Variants in ENTREP2 observed in about 807,000 individuals in gnomAD.
ENTREP2 encodes endosomal transmembrane epsin interactor 2.
At chr15:29,665,670 G>A in the ENTREP2 span, among the ~76,000 whole-genome samples, 126 of 152,208 alleles carry the variant, frequency 8.3e-4, 2 homozygotes, top group African/African-American at 2.8e-3. Flanking sequence ...CATTCCTCAC[G>A]CAGGCAGCAC....
chr15:29,472,653 T>C, the ENTREP2 span, among the ~76,000 whole-genome samples: 1 of 152,092 alleles, frequency 6.6e-6, no homozygotes, highest in Non-Finnish European at 1.5e-5. Context: ...TTAGTAGAGA[T>C]GAGGTTTCAC....
the ENTREP2 span, among the ~76,000 whole-genome samples, chr15:29,248,314 A>C: frequency 2.3e-3 from 356 of 152,322 alleles, 1 homozygote; most frequent in East Asian, 0.022. Flanking sequence ...CTTTTTAAGC[A>C]TGATTCTAAG....
the ENTREP2 span, among the ~76,000 whole-genome samples, chr15:29,493,122 ACC>A: frequency 0.014 from 1,744 of 125,738 alleles, 169 homozygotes; most frequent in African/African-American, 0.053. Flanking sequence ...TTCCCTGACA[ACC>A]CTTTTTTTTT....
chr15:29,541,129 A>G, the ENTREP2 span, among the ~76,000 whole-genome samples: 1 of 152,182 alleles, frequency 6.6e-6, no homozygotes, highest in Non-Finnish European at 1.5e-5. Context: ...ACCAGAAAGC[A>G]TCACTCCCTC....
At chr15:29,170,700 C>T in the ENTREP2 span, among the ~76,000 whole-genome samples, 1 of 152,164 alleles carries the variant, frequency 6.6e-6, no homozygotes, top group Non-Finnish European at 1.5e-5. Context: ...GACACAGTGA[C>T]AAGGCTTGCC....
the ENTREP2 span, among the ~76,000 whole-genome samples, chr15:29,135,745 C>CATG: frequency 1.1e-4 from 16 of 152,234 alleles, no homozygotes; most frequent in Non-Finnish European, 2.9e-5. This position sits in a 1 kb window ranked among gnomAD's most constrained non-coding sequence, Gnocchi z 7.4. Context: ...GAGTGCCTGG[C>CATG]ATGCCCAGCT....
the ENTREP2 span, chr15:29,128,784 CT>C: frequency 6.5e-7 from 1 of 1,550,382 alleles, no homozygotes. Context: ...AAGAGGTAAG[CT>C]TACCTGGAGT....
At chr15:29,247,081 T>C in the ENTREP2 span, among the ~76,000 whole-genome samples, 1 of 151,904 alleles carries the variant, frequency 6.6e-6, no homozygotes, top group Non-Finnish European at 1.5e-5. Context: ...TTAGTTTAGA[T>C]ATCCTTTTTA....
chr15:29,591,765 G>C, the ENTREP2 span, among the ~76,000 whole-genome samples: 1 of 151,478 alleles, frequency 6.6e-6, no homozygotes, highest in Non-Finnish European at 1.5e-5. Flanking sequence ...TTGAAACCCA[G>C]GAATTCAAGC....
the ENTREP2 span, chr15:29,266,329 AAAAC>A: frequency 6.6e-6 from 1 of 152,216 alleles, no homozygotes; most frequent in South Asian, 2.1e-4. Context: ...TTGGTAAACA[AAAAC>A]AAAACAAAAC....
At chr15:29,381,764 G>T in the ENTREP2 span, 3 of 1,550,894 alleles carry the variant, frequency 1.9e-6, no homozygotes, top group Non-Finnish European at 2.6e-6. Flanking sequence ...GGAGACGCAG[G>T]TGCCACTTAC....
chr15:29,466,731 C>G, the ENTREP2 span, among the ~76,000 whole-genome samples: 1 of 126,816 alleles, frequency 7.9e-6, no homozygotes, highest in Admixed American at 8.1e-5. Flanking sequence ...GGGGTGGATG[C>G]TGCAGCCCCC....
At chr15:29,214,768 G>A in the ENTREP2 span, among the ~76,000 whole-genome samples, 1 of 151,712 alleles carries the variant, frequency 6.6e-6, no homozygotes, top group Admixed American at 6.6e-5. Flanking sequence ...GGTTCCTTTT[G>A]GAGTTGATTT....
At chr15:29,308,910 A>C in the ENTREP2 span, among the ~76,000 whole-genome samples, 4 of 152,140 alleles carry the variant, frequency 2.6e-5, no homozygotes, top group Non-Finnish European at 4.4e-5. Context: ...AGGAAGAGCC[A>C]AGAGACCCTG....
At chr15:29,547,252 AT>A in the ENTREP2 span, among the ~76,000 whole-genome samples, 62,770 of 148,772 alleles carry the variant, frequency 0.42, 13,532 homozygotes, top group African/African-American at 0.54. Context: ...CACCTGGCTA[AT>A]TTTTTTTTTT....
chr15:29,450,521 G>A, the ENTREP2 span, among the ~76,000 whole-genome samples: 1 of 152,150 alleles, frequency 6.6e-6, no homozygotes, highest in Non-Finnish European at 1.5e-5. Context: ...AGGTGGGGGT[G>A]TAAATTAGTT....
chr15:29,649,176 A>C, the ENTREP2 span, among the ~76,000 whole-genome samples: 1 of 152,094 alleles, frequency 6.6e-6, no homozygotes, highest in Non-Finnish European at 1.5e-5. Flanking sequence ...GGCCTAAAAA[A>C]AGGGAGAAAA....
At chr15:29,667,693 A>C in the ENTREP2 span, among the ~76,000 whole-genome samples, 1 of 151,678 alleles carries the variant, frequency 6.6e-6, no homozygotes, top group African/African-American at 2.4e-5. Flanking sequence ...ACAAGGTTTC[A>C]CCATGTTGGC....
chr15:29,391,958 G>C, the ENTREP2 span, among the ~76,000 whole-genome samples: 1 of 152,130 alleles, frequency 6.6e-6, no homozygotes, highest in Non-Finnish European at 1.5e-5. Context: ...CCAAGTAGCT[G>C]GGACTACAGG....
Sources: allele counts gnomAD v4.1 joint callset (sites outside exome capture counted in the v4.1 genomes callset), GRCh38; gene constraint gnomAD v4.1.1; non-coding constraint Gnocchi (gnomAD v3.1); transcripts MANE v1.5; gene names NCBI Gene and HGNC (gene_info 2026-07-23, HGNC 2026-07-21).